The following KCNJ6 variants were observed in gnomAD, a reference collection of about 807,000 sequenced individuals.
The protein encoded by KCNJ6 is G protein-activated inward rectifier potassium channel 2.
Under a neutral mutation model 34.2 loss-of-function variants are expected in KCNJ6, and 9 were observed. That is an observed-to-expected ratio of 0.26 (90% CI 0.16 to 0.46). The LOEUF (loss-of-function observed/expected upper bound fraction) is 0.46, where lower values mean the gene tolerates loss of function less well. KCNJ6 is among the 20% of genes least tolerant of loss of function. The probability of loss-of-function intolerance (pLI) is 1.00; values close to 1 mark genes in which losing one functional copy is unlikely to be tolerated. For synonymous variants in KCNJ6, 196 were observed against 207.1 expected (o/e 0.95, Z 0.46); for missense variants, 236 against 531.3 (o/e 0.44, Z 5.46).
intron 2 of KCNJ6, among the ~76,000 whole-genome samples, chr21:37,722,710 T>C (rs966755407): frequency 3.9e-5 from 6 of 152,180 alleles, no homozygotes; most frequent in African/African-American, 1.4e-4. Context: ...TTAATAATGG[T>C]ACTGGGATAG....
Position 37,637,909 on chromosome 21 carries a change from A to G in KCNJ6, c.947-12425T>C, listed in dbSNP as rs186666710. Among the ~76,000 whole-genome samples the G allele has an allele frequency of 2.4e-4, 37 of 152,318 alleles. No individual in the cohort carries two copies. In the East Asian group the frequency reaches 6.8e-3, roughly 28 times the overall value. Reference sequence around the variant, plus strand: ...GGCAGAGAGCCCTAAGCAGAAGCCAACCCTGCTGACACCTTGATCTTGGAC... The same window carrying G: ...GGCAGAGAGCCCTAAGCAGAAGCCAGCCCTGCTGACACCTTGATCTTGGAC... On this transcript the variant is annotated intron_variant, in intron 3 of 3. Coordinates refer to ENST00000609713, the MANE Select transcript of KCNJ6 (RefSeq NM_002240.5).
intron 2 of KCNJ6, among the ~76,000 whole-genome samples, chr21:37,802,824 C>T (rs1312286717): frequency 1.3e-5 from 2 of 152,116 alleles, no homozygotes; most frequent in Non-Finnish European, 2.9e-5. Context: ...GGCAAACAGA[C>T]CTGCTTGGAA....
chr21:37,669,406 C>T lies in KCNJ6; in HGVS notation c.947-43922G>A, dbSNP rs1241498267. ...CATTCATATTTGGCTCAGAATAAAC[C>T]TCTTTAAGTAGTTTACAGAGTTTGC... On this transcript the variant is annotated intron_variant, in intron 3 of 3. Transcript: ENST00000609713. Among the ~76,000 whole-genome samples, 8 of 152,288 alleles carry T rather than the reference C, an allele frequency of 5.3e-5. No individual in the cohort carries two copies. In the East Asian group the frequency reaches 1.4e-3, roughly 26 times the overall value.
chr21:37,847,711 A>T (rs2055516486), intron 1 of KCNJ6, among the ~76,000 whole-genome samples: 1 of 151,256 alleles, frequency 6.6e-6, no homozygotes, highest in East Asian at 2.0e-4. Context: ...CATCGATAGA[A>T]AGAGGAACAG....
intron 1 of KCNJ6, among the ~76,000 whole-genome samples, chr21:37,885,609 GGCACT>G (rs1420915641): frequency 6.6e-6 from 1 of 152,228 alleles, no homozygotes; most frequent in East Asian, 1.9e-4. Flanking sequence ...CACGTGGTGA[GGCACT>G]GAGACAGCAG....
chr21:37,655,550 A>G (rs889496536), intron 3 of KCNJ6, among the ~76,000 whole-genome samples: 1 of 152,210 alleles, frequency 6.6e-6, no homozygotes, highest in Admixed American at 6.5e-5. Context: ...GTATTTGAGA[A>G]GGTAGGACAT....
Position 37,724,603 on chromosome 21 carries a change from G to C in KCNJ6, c.26-9472C>G, listed in dbSNP as rs186971093. Among the ~76,000 whole-genome samples, 19 of 152,306 alleles carry C rather than the reference G, an allele frequency of 1.2e-4. No individual in the cohort carries two copies. In the East Asian group the frequency reaches 3.7e-3, roughly 29 times the overall value. Reference sequence around the variant, plus strand: ...CAGGAGAATGACCCAATGGCGGTTGGGTAGTATGGTGGTCGAGACAGGAAG... The same window carrying C: ...CAGGAGAATGACCCAATGGCGGTTGCGTAGTATGGTGGTCGAGACAGGAAG... On this transcript the variant is annotated intron_variant, in intron 2 of 3. Coordinates refer to ENST00000609713, the MANE Select transcript of KCNJ6 (RefSeq NM_002240.5).
rs1401793930 is a variant in KCNJ6, at chr21:37,616,820, G to A, written c.*8339C>T. 6.6e-6 allele frequency: 1 copy of A among 151,440 alleles called. No individual in the cohort carries two copies. Among genetic ancestry groups the A allele is most frequent in the Admixed American group, 6.6e-5 (1 of 15,142 alleles). The allele number at this position is 151,440 out of a possible 1,614,324, so 9.4% of individuals were successfully genotyped here. A position where few individuals can be genotyped will look rare whatever the true frequency, so the allele number is the denominator to read the frequency against. ...GAGAGAGCAGCTGGGGGGAATGGTTGGCTGACAATCTGCCATCACCCGAAA... is the reference window on the plus strand; with the variant it reads ...GAGAGAGCAGCTGGGGGGAATGGTTAGCTGACAATCTGCCATCACCCGAAA... On this transcript the variant is annotated 3_prime_UTR_variant, in exon 4 of 4. Coordinates refer to ENST00000609713, the MANE Select transcript of KCNJ6 (RefSeq NM_002240.5).
At chr21:37,789,107 T>C (rs1259073585) in intron 2 of KCNJ6, among the ~76,000 whole-genome samples, 1 of 152,198 alleles carries the variant, frequency 6.6e-6, no homozygotes, top group Non-Finnish European at 1.5e-5. Flanking sequence ...TAAGTGGAAG[T>C]TGGTCAAAAA....
intron 2 of KCNJ6, among the ~76,000 whole-genome samples, chr21:37,716,622 A>G (rs906245839): frequency 6.6e-6 from 1 of 152,076 alleles, no homozygotes; most frequent in Non-Finnish European, 1.5e-5. Context: ...GTCTCAAGCC[A>G]TCCTCACACC....
intron 2 of KCNJ6, among the ~76,000 whole-genome samples, chr21:37,782,263 C>T (rs1325896448): frequency 6.6e-6 from 1 of 152,162 alleles, no homozygotes; most frequent in Non-Finnish European, 1.5e-5. Context: ...GGAATGCTGG[C>T]CCTACTGACA....
rs1302468327 is a variant in KCNJ6 at position 37,758,311 on chromosome 21, T to C, written c.26-43180A>G. ...GTGTTCTGGGATCATCGTATTTGCA[T>C]TGGTGGGAGTGTGTGTAGAATAATA... On this transcript the variant is annotated intron_variant, in intron 2 of 3. Transcript: ENST00000609713. Among the ~76,000 whole-genome samples the C allele has an allele frequency of 2.6e-5, 4 of 152,178 alleles. No individual in the cohort carries two copies. The East Asian group carries it at 5.8e-4, about 22-fold the overall frequency.
chr21:37,654,212 C>T (rs78334674), intron 3 of KCNJ6, among the ~76,000 whole-genome samples: 2 of 144,036 alleles, frequency 1.4e-5, no homozygotes, highest in Non-Finnish European at 3.0e-5. Flanking sequence ...TCCTTTCATT[C>T]ATTCACTCAT....
intron 2 of KCNJ6, among the ~76,000 whole-genome samples, chr21:37,753,919 T>C (rs1343154896): frequency 2.0e-5 from 3 of 152,170 alleles, no homozygotes; most frequent in African/African-American, 7.2e-5. Flanking sequence ...GCTAGGTCTA[T>C]TACATTGAGA....
chr21:37,754,747 G>A (rs1190587017), intron 2 of KCNJ6, among the ~76,000 whole-genome samples: 1 of 152,206 alleles, frequency 6.6e-6, no homozygotes, highest in East Asian at 1.9e-4. Flanking sequence ...GTTTGCTTTA[G>A]TCCTCACTTT....
intron 1 of KCNJ6, among the ~76,000 whole-genome samples, chr21:37,879,808 A>T (rs1357955960): frequency 6.6e-6 from 1 of 151,414 alleles, no homozygotes; most frequent in Non-Finnish European, 1.5e-5. Context: ...GATTGGGAGG[A>T]GAGATGGTTC....
intron 2 of KCNJ6, among the ~76,000 whole-genome samples, chr21:37,724,074 A>G (rs764967543): frequency 9.9e-5 from 15 of 152,156 alleles, no homozygotes; most frequent in Non-Finnish European, 1.9e-4. Context: ...GGAAATGAGA[A>G]AAGAGAGGTG....
chr21:37,724,580 G>T (rs2054844095), intron 2 of KCNJ6, among the ~76,000 whole-genome samples: 1 of 152,194 alleles, frequency 6.6e-6, no homozygotes, highest in Admixed American at 6.5e-5. Context: ...GGAGTGGGCA[G>T]GAGAATGACC....
chr21:37,692,935 A>G (rs2054646473), intron 3 of KCNJ6, among the ~76,000 whole-genome samples: 1 of 152,186 alleles, frequency 6.6e-6, no homozygotes, highest in Non-Finnish European at 1.5e-5. Flanking sequence ...ACAGTTTTTG[A>G]CGCAAATCTT....
Sources: allele counts gnomAD v4.1 joint callset (sites outside exome capture counted in the v4.1 genomes callset), GRCh38; gene constraint gnomAD v4.1.1; transcripts MANE v1.5; gene names NCBI Gene and HGNC (gene_info 2026-07-23, HGNC 2026-07-21).